The following TNS3 variants were observed in gnomAD, a reference collection of about 807,000 sequenced individuals.
The protein encoded by TNS3 is tensin 3, also known as tensin-3.
In TNS3, 45 loss-of-function variants were observed where a neutral mutation model predicts 140.9. The observed-to-expected ratio is 0.32, with a 90% confidence interval of 0.25 to 0.41. The LOEUF is 0.41. TNS3 is among the 10% of genes least tolerant of loss of function. The pLI is 1.00. For missense variants in TNS3, 1,716 were observed against 1,906.7 expected (o/e 0.90, Z 1.86); for synonymous variants, 815 against 788.4 (o/e 1.03, Z -0.56).
intron 17 of TNS3, among the ~76,000 whole-genome samples, chr7:47,363,225 C>T (rs1165840451): frequency 6.6e-6 from 1 of 150,422 alleles, no homozygotes; most frequent in East Asian, 2.0e-4. Context: ...ACATCACCAT[C>T]ATTACAATCA....
chr7:47,419,968 C>G (rs1482686827), intron 10 of TNS3, among the ~76,000 whole-genome samples: 1 of 152,208 alleles, frequency 6.6e-6, no homozygotes, highest in Non-Finnish European at 1.5e-5. Flanking sequence ...CTCTGGTCTC[C>G]TGTTCAGCCA....
At chr7:47,393,430 A>C (rs1291846014) in intron 16 of TNS3, among the ~76,000 whole-genome samples, 1 of 152,136 alleles carries the variant, frequency 6.6e-6, no homozygotes, top group Non-Finnish European at 1.5e-5. Context: ...TGGAATTCTC[A>C]AGAATACTCA....
At chr7:47,430,017 C>T (rs986648617) in intron 8 of TNS3, among the ~76,000 whole-genome samples, 2 of 152,336 alleles carry the variant, frequency 1.3e-5, no homozygotes, top group Admixed American at 6.5e-5. Context: ...AAAGAAACAA[C>T]ACCTCAGCCA....
chr7:47,353,992 A>AAAACAC (rs1210926611), intron 17 of TNS3, among the ~76,000 whole-genome samples: 1 of 143,398 alleles, frequency 7.0e-6, no homozygotes, highest in Admixed American at 6.9e-5. Flanking sequence ...CAGAGGACAA[A>AAAACAC]ACACACACAC....
intron 7 of TNS3, among the ~76,000 whole-genome samples, chr7:47,435,918 C>T (rs1230046742): frequency 6.6e-6 from 1 of 152,202 alleles, no homozygotes; most frequent in African/African-American, 2.4e-5. Flanking sequence ...AAGAAAATCA[C>T]CACCATGTGC....
intron 27 of TNS3, among the ~76,000 whole-genome samples, chr7:47,291,032 T>G (rs536109503): frequency 6.6e-6 from 1 of 152,010 alleles, no homozygotes; most frequent in African/African-American, 2.4e-5. Context: ...TAAAAACACA[T>G]GGAGGAAACT....
intron 30 of TNS3, chr7:47,279,121 TCTC>T (rs1248400179): frequency 6.6e-6 from 1 of 152,242 alleles, no homozygotes; most frequent in African/African-American, 2.4e-5. Context: ...CAGGGTCTCT[TCTC>T]CTTCTCCCCG....
intron 17 of TNS3, among the ~76,000 whole-genome samples, chr7:47,363,840 T>G (rs964561124): frequency 6.6e-5 from 10 of 152,188 alleles, no homozygotes; most frequent in Admixed American, 5.9e-4. Flanking sequence ...ATGGTACCAT[T>G]CTGGGCATGT....
At chr7:47,378,138 G>A (rs530948676) in intron 16 of TNS3, among the ~76,000 whole-genome samples, 9 of 152,030 alleles carry the variant, frequency 5.9e-5, no homozygotes, top group Non-Finnish European at 1.3e-4. Context: ...AACACAAAAG[G>A]CATGGCACAC....
chr7:47,302,228 T>G lies in TNS3; in HGVS notation c.3502A>C (p.Thr1168Pro). ...KLVIVKFVQD[T>P]SKFWYKADIS... The stretch of plus-strand genomic sequence containing the variant: ...TCCGCCTTGTACCAGAACTTGGAAG[T>G]GTCTTGAACAAATTTCACGATCACA... The change falls in exon 23 of 31, where the codon ACT becomes CCT. Residue 1168 changes from threonine to proline, a missense_variant. Thr to Pro is a conservative substitution (Grantham distance 38, BLOSUM62 -1). Around this residue, in one of 3 missense-constraint regions of TNS3, gnomAD observed 1,163 missense variants for 1,182.1 expected, o/e 0.98. Transcript: ENST00000311160. 6.2e-7 allele frequency: 1 copy of G among 1,614,244 alleles called. No individual in the cohort carries two copies. The highest frequency in any genetic ancestry group is 8.5e-7 in the Non-Finnish European group (1 of 1,180,034).
intron 1 of TNS3, among the ~76,000 whole-genome samples, chr7:47,569,366 A>T (rs1800500441): frequency 6.6e-6 from 1 of 151,678 alleles, no homozygotes; most frequent in South Asian, 2.1e-4. Flanking sequence ...AACATGATGA[A>T]ACCCCGTCTC....
At chr7:47,321,018 C>T (rs1290284505) in intron 20 of TNS3, among the ~76,000 whole-genome samples, 1 of 152,212 alleles carries the variant, frequency 6.6e-6, no homozygotes, top group Non-Finnish European at 1.5e-5. Context: ...GGAGACCACA[C>T]AGACTTTCTA....
chr7:47,417,726 A>G (rs1020588107), intron 10 of TNS3, among the ~76,000 whole-genome samples: 4 of 152,152 alleles, frequency 2.6e-5, no homozygotes, highest in Non-Finnish European at 5.9e-5. Context: ...CTTCCTTCAC[A>G]TGCTTTCTTA....
intron 1 of TNS3, among the ~76,000 whole-genome samples, chr7:47,541,504 G>T (rs939556119): frequency 1.3e-5 from 2 of 152,018 alleles, no homozygotes; most frequent in Non-Finnish European, 2.9e-5. Flanking sequence ...AGAACAATGG[G>T]TTTTTTAACA....
At chr7:47,495,472 C>A (rs1348244738) in intron 3 of TNS3, among the ~76,000 whole-genome samples, 1 of 152,182 alleles carries the variant, frequency 6.6e-6, no homozygotes, top group African/African-American at 2.4e-5. Context: ...ACGACCCCCG[C>A]CCTGAGGACG....
chr7:47,474,145 C>CACAA (rs1554336730), intron 4 of TNS3, among the ~76,000 whole-genome samples: 2 of 137,276 alleles, frequency 1.5e-5, no homozygotes, highest in African/African-American at 2.7e-5. Context: ...CACACACACA[C>CACAA]AACACACATA....
At chr7:47,505,339 C>T (rs1360745510) in intron 3 of TNS3, among the ~76,000 whole-genome samples, 1 of 152,214 alleles carries the variant, frequency 6.6e-6, no homozygotes, top group African/African-American at 2.4e-5. Flanking sequence ...AGGAAAGGAG[C>T]CTATCTGTGG....
At chr7:47,560,608 C>T (rs1800302208) in intron 1 of TNS3, among the ~76,000 whole-genome samples, 1 of 152,192 alleles carries the variant, frequency 6.6e-6, no homozygotes, top group Admixed American at 6.5e-5. Flanking sequence ...TGCCTGTGGT[C>T]CCGCTGGCTG....
At chr7:47,393,896 C>A (rs1247452875) in intron 16 of TNS3, among the ~76,000 whole-genome samples, 5 of 152,100 alleles carry the variant, frequency 3.3e-5, no homozygotes, top group African/African-American at 1.2e-4. Context: ...CCACTCCCAA[C>A]TGGCTCCATC....
Sources: allele counts gnomAD v4.1 joint callset (sites outside exome capture counted in the v4.1 genomes callset), GRCh38; gene constraint gnomAD v4.1.1; regional missense constraint gnomAD v4.1.1; transcripts MANE v1.5; gene names NCBI Gene and HGNC (gene_info 2026-07-23, HGNC 2026-07-21).